SIK2: variants seen among roughly 807,000 people sequenced by gnomAD.
The protein encoded by SIK2 is salt inducible kinase 2.
Under a neutral mutation model 103.2 loss-of-function variants are expected in SIK2, and 29 were observed. The ratio of observed to expected loss-of-function variants is 0.28; its 90% CI spans 0.21 to 0.38. The LOEUF is 0.38. Among genes scored for constraint, SIK2 ranks in the 10% least tolerant of loss-of-function variants. SIK2 has a pLI of 1.00. For synonymous variants in SIK2, 412 were observed against 446.1 expected (o/e 0.92, Z 0.96); for missense variants, 879 against 1,171.0 (o/e 0.75, Z 3.64).
At chr11:111,710,029 T>C (rs1856097234) in intron 8 of SIK2, among the ~76,000 whole-genome samples, 1 of 152,224 alleles carries the variant, frequency 6.6e-6, no homozygotes, top group Non-Finnish European at 1.5e-5. Context: ...TAATTCAGAC[T>C]ACCTTCATAG....
chr11:111,617,957 G>A (rs1016402248), intron 2 of SIK2, among the ~76,000 whole-genome samples: 2 of 151,794 alleles, frequency 1.3e-5, no homozygotes, highest in Non-Finnish European at 2.9e-5. Context: ...TAGAGAGAGG[G>A]TCTCACTGTT....
chr11:111,675,782 C>T (rs1017923472), intron 3 of SIK2, among the ~76,000 whole-genome samples: 6 of 152,178 alleles, frequency 3.9e-5, no homozygotes, highest in Admixed American at 3.9e-4. Context: ...CAAGCGAGTA[C>T]ATGTTCAGGT....
rs1304599537 is a variant in SIK2 at position 111,728,108 on chromosome 11, C to T, written c.*3979C>T. ...TGGCTGACACCGGTGCCAGGGCTGACCTGCTACACTCAAACTCCTAAACTG... is the reference window on the plus strand; with the variant it reads ...TGGCTGACACCGGTGCCAGGGCTGATCTGCTACACTCAAACTCCTAAACTG... On this transcript the variant is annotated 3_prime_UTR_variant, in exon 15 of 15. Coordinates refer to ENST00000304987, the MANE Select transcript of SIK2 (RefSeq NM_015191.3). The T allele has an allele frequency of 6.6e-6, 1 of 152,152 alleles. No homozygotes were observed. The highest frequency in any genetic ancestry group is 2.4e-5 in the African/African-American group (1 of 41,418). The allele number at this position is 152,152 out of a possible 1,614,324, so 9.4% of individuals were successfully genotyped here.
rs1943894098 is a variant in SIK2, at chr11:111,724,101, A to C, written c.2753A>C (p.Gln918Pro). 1 of 1,612,412 alleles carries C rather than the reference A, an allele frequency of 6.2e-7. No individual in the cohort carries two copies. Among genetic ancestry groups the C allele is most frequent in the Admixed American group, 1.7e-5 (1 of 60,014 alleles). The change falls in exon 15 of 15, where the codon CAA (glutamine) becomes CCA (proline). Residue 918 changes from glutamine to proline, a missense_variant. Coordinates refer to ENST00000304987, the MANE Select transcript of SIK2 (RefSeq NM_015191.3). ...DCEMLDAVDPQHNGYVLVN is the reference protein window; with the variant it reads ...DCEMLDAVDPPHNGYVLVN ...GAAATGCTAGACGCTGTGGATCCACAACACAACGGGTATGTCCTGGTGAAT... is the reference window on the plus strand; with the variant it reads ...GAAATGCTAGACGCTGTGGATCCACCACACAACGGGTATGTCCTGGTGAAT...
chr11:111,637,368 A>C (rs1420686315), intron 3 of SIK2, among the ~76,000 whole-genome samples: 1 of 150,196 alleles, frequency 6.7e-6, no homozygotes, highest in African/African-American at 2.4e-5. Context: ...AAATTCTTGG[A>C]TACATATGCA....
intron 4 of SIK2, among the ~76,000 whole-genome samples, chr11:111,697,132 A>C (rs951084249): frequency 6.6e-6 from 1 of 152,240 alleles, no homozygotes; most frequent in Non-Finnish European, 1.5e-5. Flanking sequence ...CTTGGTTTCT[A>C]TTCCACTGCT....
At chr11:111,684,504 G>A (rs963009308) in intron 3 of SIK2, among the ~76,000 whole-genome samples, 1 of 152,098 alleles carries the variant, frequency 6.6e-6, no homozygotes, top group African/African-American at 2.4e-5. Context: ...GTCTCATTTA[G>A]CGGTACAGCT....
rs11213984 is a variant in SIK2, at chr11:111,708,451, C to A, written c.1101+3312C>A. Among the ~76,000 whole-genome samples, 587 of 152,186 alleles carry A rather than the reference C, an allele frequency of 3.9e-3. 4 individuals are homozygous for A. The highest frequency in any genetic ancestry group is 0.013 in the African/African-American group (559 of 41,518). ...TTATTTAGACAACAGTGGGATTCCC[C>A]TCTTAGATTTGGAGTGCTTATGTTT... On this transcript the variant is annotated intron_variant, in intron 8 of 14. Coordinates refer to ENST00000304987, the MANE Select transcript of SIK2 (RefSeq NM_015191.3).
chr11:111,684,127 C>G (rs1015902092), intron 3 of SIK2, among the ~76,000 whole-genome samples: 2 of 152,198 alleles, frequency 1.3e-5, no homozygotes, highest in African/African-American at 4.8e-5. Context: ...ATGATTCTGT[C>G]TTTACATGGT....
At chr11:111,720,286 C>A (rs1173475458) in intron 10 of SIK2, among the ~76,000 whole-genome samples, 192 bp from the exon 11 acceptor site, 1 of 152,120 alleles carries the variant, frequency 6.6e-6, no homozygotes, top group Non-Finnish European at 1.5e-5. Flanking sequence ...CTTACAGATG[C>A]CACTTCTGGA....
At chr11:111,657,365 A>C (rs1942404333) in intron 3 of SIK2, among the ~76,000 whole-genome samples, 1 of 152,048 alleles carries the variant, frequency 6.6e-6, no homozygotes, top group Non-Finnish European at 1.5e-5. Context: ...TATTAATTAG[A>C]ATATACTGGG....
chr11:111,622,318 C>T (rs1160337117), intron 3 of SIK2, among the ~76,000 whole-genome samples: 4 of 125,408 alleles, frequency 3.2e-5, no homozygotes, highest in Admixed American at 1.1e-4. Flanking sequence ...TGCAGTGGCA[C>T]GATCTCAGCT....
At chr11:111,713,899 G>A (rs1943569580) in intron 9 of SIK2, among the ~76,000 whole-genome samples, 1 of 152,144 alleles carries the variant, frequency 6.6e-6, no homozygotes, top group Admixed American at 6.5e-5. Flanking sequence ...CCCAGGAAGT[G>A]GAGGTTGCAG....
In SIK2 at chr11:111,688,872, A is replaced by G. The variant is rs1162439424; in HGVS notation, c.478+710A>G. Among the ~76,000 whole-genome samples the G allele has an allele frequency of 6.6e-6, 1 of 152,250 alleles. No individual in the cohort carries two copies. The highest frequency in any genetic ancestry group is 2.4e-5 in the African/African-American group (1 of 41,472). Reference sequence around the variant, plus strand: ...TAAAAATAGCATGTACACCTTGAATATACACAATTTTTGTCAATTACATTT... The same window carrying G: ...TAAAAATAGCATGTACACCTTGAATGTACACAATTTTTGTCAATTACATTT... On this transcript the variant is annotated intron_variant, in intron 4 of 14. Coordinates refer to ENST00000304987, the MANE Select transcript of SIK2 (RefSeq NM_015191.3). The surrounding 1 kb of genome is among the most constrained non-coding windows in gnomAD (Gnocchi z 4.2).
chr11:111,631,316 C>T (rs1377462594), intron 3 of SIK2, among the ~76,000 whole-genome samples: 1 of 152,118 alleles, frequency 6.6e-6, no homozygotes, highest in Non-Finnish European at 1.5e-5. Flanking sequence ...GCTAGCAGTG[C>T]TCATATGATT....
intron 3 of SIK2, among the ~76,000 whole-genome samples, chr11:111,639,282 A>AT (rs1054639293): frequency 6.6e-6 from 1 of 151,900 alleles, no homozygotes; most frequent in Non-Finnish European, 1.5e-5. Context: ...CTTTATTATT[A>AT]TTTTTTTTCT....
intron 4 of SIK2, among the ~76,000 whole-genome samples, chr11:111,689,764 A>T (rs1228881250): frequency 2.0e-5 from 3 of 152,106 alleles, no homozygotes; most frequent in Admixed American, 6.6e-5. Flanking sequence ...CATTGAACTG[A>T]TTTGTTTCTG....
chr11:111,688,369 A>G lies in SIK2; in HGVS notation c.478+207A>G, dbSNP rs185593542. ...TTATTAATATACACAGGTCAGAGCT[A>G]CATCTGGGGTCTGATGTGTCCAGAT... On this transcript the variant is annotated intron_variant, in intron 4 of 14. Transcript: ENST00000304987. This position sits in a 1 kb window ranked among gnomAD's most constrained non-coding sequence, Gnocchi z 4.2. Among the ~76,000 whole-genome samples the G allele has an allele frequency of 5.9e-5, 9 of 152,354 alleles. No individual in the cohort carries two copies. The highest frequency in any genetic ancestry group is 1.7e-4 in the African/African-American group (7 of 41,582).
intron 14 of SIK2, 73 bp from the exon 15 acceptor site, chr11:111,723,423 G>A: frequency 1.4e-6 from 2 of 1,451,998 alleles, no homozygotes; most frequent in South Asian, 1.3e-5. Flanking sequence ...CTAGTGACTG[G>A]TATTGCATTT....
Sources: gnomAD v4.1 joint callset for allele counts (sites outside exome capture counted in the v4.1 genomes callset) on GRCh38, gnomAD v4.1.1 for gene constraint, Gnocchi (gnomAD v3.1) non-coding constraint, MANE v1.5 for transcripts, NCBI Gene and HGNC (gene_info 2026-07-23, HGNC 2026-07-21) for gene names.